The following E2F6 variants were observed in gnomAD, a reference collection of about 807,000 sequenced individuals.
E2F6 encodes the protein transcription factor E2F6.
A neutral mutation model predicts 31.5 loss-of-function variants in E2F6; 19 were observed. The observed-to-expected ratio is 0.60, with a 90% CI of 0.42 to 0.89. E2F6 has a LOEUF of 0.89. Ranked by LOEUF, E2F6 falls within the 40% of genes least tolerant of loss-of-function variation. E2F6 has a pLI of 0.00. For missense variants in E2F6, 269 were observed against 341.6 expected, an observed-to-expected ratio of 0.79 and a Z score of 1.67; for synonymous variants, 121 against 127.7, an observed-to-expected ratio of 0.95 and a Z score of 0.36.
intron 1 of E2F6, among the ~76,000 whole-genome samples, chr2:11,462,167 T>C (rs1229313170): frequency 6.6e-6 from 1 of 152,208 alleles, no homozygotes; most frequent in Admixed American, 6.5e-5. Flanking sequence ...TCTGTGTTAG[T>C]ATTGGTCTGT....
At chr2:11,465,397 T>C (rs1203189534) in intron 1 of E2F6, among the ~76,000 whole-genome samples, 3 of 151,778 alleles carry the variant, frequency 2.0e-5, no homozygotes, top group Non-Finnish European at 2.9e-5. Context: ...ATATAAAGCG[T>C]GGACAAGGTT....
chr2:11,459,432 T>C (rs1671623930), intron 1 of E2F6, among the ~76,000 whole-genome samples: 1 of 152,226 alleles, frequency 6.6e-6, no homozygotes, highest in East Asian at 1.9e-4. Context: ...TGCAGTTCCA[T>C]TACATATTGG....
rs1170536954 is a variant in E2F6 at position 11,450,023 on chromosome 2, C to G, written c.640G>C (p.Ala214Pro). 3 of 1,611,552 alleles carry G rather than the reference C, an allele frequency of 1.9e-6. No homozygotes were observed. In the South Asian group the frequency reaches 3.3e-5, roughly 18 times the overall value. The change falls in exon 5 of 7, where the codon GCT becomes CCT. Residue 214 changes from alanine (A) to proline (P), a missense_variant. Transcript: ENST00000381525. ...GCAGGGTTACCTACTTCTCTGGGAG[C>G]TGGAACATCCAATCTGGTTTCTGCT... ...APAETRLDVP[A>P]PREDSITVHI...
At chr2:11,463,646 G>C (rs1671924226) in intron 1 of E2F6, among the ~76,000 whole-genome samples, 1 of 151,788 alleles carries the variant, frequency 6.6e-6, no homozygotes, top group Non-Finnish European at 1.5e-5. Context: ...CGGTAGAAGA[G>C]AACCCTGAAT....
intron 1 of E2F6, among the ~76,000 whole-genome samples, chr2:11,464,848 T>TA (rs1181056014): frequency 6.6e-6 from 1 of 152,050 alleles, no homozygotes; most frequent in African/African-American, 2.4e-5. Flanking sequence ...AACTATTTGG[T>TA]AGGGGAACCA....
intron 1 of E2F6, chr2:11,458,381 T>C (rs1165117852): frequency 1.9e-6 from 3 of 1,550,270 alleles, no homozygotes; most frequent in East Asian, 4.9e-5. Context: ...AAGACAGGAT[T>C]GTGGTACCGG....
chr2:11,455,206 G>T, intron 2 of E2F6: 1 of 679,314 alleles, frequency 1.5e-6, no homozygotes. Flanking sequence ...CTAAGAAAAA[G>T]TTCTTATGGC....
intron 1 of E2F6, among the ~76,000 whole-genome samples, chr2:11,459,481 T>C (rs1328053652): frequency 6.6e-6 from 1 of 152,200 alleles, no homozygotes; most frequent in Non-Finnish European, 1.5e-5. Context: ...TCCAAGAGCA[T>C]TCATTTGTTT....
rs989373445 is a variant in E2F6 at position 11,451,562 on chromosome 2, A to T, written c.536+89T>A. ...AATGGTCTAATTTTATATCTTAAAT[A>T]TATAAATTAAGTCCCCAAGCTGACT... is the stretch of plus-strand genomic sequence containing the variant. On this transcript the variant is annotated intron_variant, in intron 4 of 6. Transcript: ENST00000381525. The T allele has an allele frequency of 9.4e-6, 12 of 1,281,926 alleles. 1 individual carries two copies. The highest frequency in any genetic ancestry group is 1.1e-5 in the Non-Finnish European group (11 of 957,728). The allele number at this position is 1,281,926 out of a possible 1,614,324, so 79.4% of individuals were successfully genotyped here. A position where few individuals can be genotyped will look rare whatever the true frequency, so the allele number is the denominator to read the frequency against.
intron 4 of E2F6, among the ~76,000 whole-genome samples, chr2:11,450,883 A>G (rs1022626878): frequency 1.3e-5 from 2 of 152,178 alleles, no homozygotes; most frequent in African/African-American, 4.8e-5. Context: ...GCTCAGAATC[A>G]GTGAGCCCCT....
intron 2 of E2F6, among the ~76,000 whole-genome samples, chr2:11,456,572 A>C (rs766640606): frequency 5.9e-5 from 9 of 152,248 alleles, no homozygotes; most frequent in Admixed American, 1.3e-4. Context: ...CAATCCATGC[A>C]GAGAGCTTAA....
At position 11,447,686 on chromosome 2, in the gene E2F6, CT is replaced by C. The variant is rs773174739; in HGVS notation, c.739del (p.Arg247GlyfsTer33). The C allele has an allele frequency of 1.2e-6, 2 of 1,612,050 alleles. No homozygotes were observed. The highest frequency in any genetic ancestry group is 1.7e-6 in the Non-Finnish European group (2 of 1,179,944). ...EVEQGQTSNK[R>X]SEGVGTSSSE... ...TGAAGAGGTCCCGACACCTTCAGAC[CT>C]TTTGTTACTGGTCTGACCCTGCTCC... is the stretch of plus-strand genomic sequence containing the variant. On this transcript the variant is annotated frameshift_variant, in exon 6 of 7. Coordinates refer to ENST00000381525, the MANE Select transcript of E2F6 (RefSeq NM_198256.4). LOFTEE classifies it high-confidence loss of function.
intron 1 of E2F6, among the ~76,000 whole-genome samples, chr2:11,459,977 G>A (rs1161213076): frequency 6.6e-6 from 1 of 152,128 alleles, no homozygotes; most frequent in East Asian, 1.9e-4. Context: ...AAATCACTCA[G>A]GCTGATCTTG....
chr2:11,457,599 G>A (rs1198558984), intron 1 of E2F6, among the ~76,000 whole-genome samples: 1 of 152,100 alleles, frequency 6.6e-6, no homozygotes, highest in Non-Finnish European at 1.5e-5. Context: ...CTCCAGCCTG[G>A]GCAACACAGC....
intron 5 of E2F6, among the ~76,000 whole-genome samples, chr2:11,448,061 C>T (rs911799464): frequency 1.3e-5 from 2 of 152,138 alleles, no homozygotes; most frequent in South Asian, 2.1e-4. Flanking sequence ...TTTGATGACA[C>T]AGAACTCCAG....
At chr2:11,456,056 G>A (rs1299481536) in intron 2 of E2F6, among the ~76,000 whole-genome samples, 2 of 152,176 alleles carry the variant, frequency 1.3e-5, no homozygotes, top group African/African-American at 2.4e-5. Flanking sequence ...CTGTGGAGGA[G>A]GGCGGCAGCA....
At chr2:11,464,449 G>A (rs936020599) in intron 1 of E2F6, among the ~76,000 whole-genome samples, 6 of 150,398 alleles carry the variant, frequency 4.0e-5, no homozygotes, top group Admixed American at 2.6e-4. Context: ...CTCGGGAGGC[G>A]GAGCTTGCAG....
At chr2:11,452,433 G>A (rs538101026) in intron 3 of E2F6, among the ~76,000 whole-genome samples, 4 of 151,972 alleles carry the variant, frequency 2.6e-5, no homozygotes, top group African/African-American at 7.2e-5. Flanking sequence ...GTGAAACCCC[G>A]TCTCTACTAA....
At chr2:11,450,511 A>G (rs180743992) in intron 4 of E2F6, among the ~76,000 whole-genome samples, 8 of 152,302 alleles carry the variant, frequency 5.3e-5, no homozygotes, top group East Asian at 1.9e-4. Context: ...AGATCTTACT[A>G]TAACTTTGAG....
Sources: gnomAD v4.1 joint callset for allele counts (sites outside exome capture counted in the v4.1 genomes callset) on GRCh38, gnomAD v4.1.1 for gene constraint, MANE v1.5 for transcripts, NCBI Gene and HGNC (gene_info 2026-07-23, HGNC 2026-07-21) for gene names.